SLC17A9: variants seen among roughly 807,000 people sequenced by gnomAD.
The protein encoded by SLC17A9 is voltage-gated purine nucleotide uniporter SLC17A9.
A neutral mutation model predicts 55.0 loss-of-function variants in SLC17A9; 49 were observed. That is an observed-to-expected ratio of 0.89 (90% confidence interval 0.71 to 1.13). The LOEUF is 1.13. SLC17A9 is among the 50% of genes most tolerant of loss of function. The probability of loss-of-function intolerance (pLI) is 0.00; values close to 1 mark genes in which losing one functional copy is unlikely to be tolerated. For missense variants in SLC17A9, 526 were observed against 569.3 expected, an observed-to-expected ratio of 0.92 and a Z score of 0.77; for synonymous variants, 256 against 247.4, an observed-to-expected ratio of 1.03 and a Z score of -0.32.
At chr20:62,965,467 C>T (rs1383310149) in intron 9 of SLC17A9, 143 bp from the exon 10 acceptor site, 1 of 790,320 alleles carries the variant, frequency 1.3e-6, no homozygotes, top group South Asian at 1.6e-5. Context: ...CTCTAGGGGG[C>T]CTGGTCTGAG....
At chr20:62,965,489 G>A in intron 9 of SLC17A9, 121 bp from the exon 10 acceptor site, 1 of 936,568 alleles carries the variant, frequency 1.1e-6, no homozygotes, top group South Asian at 1.5e-5. Context: ...GAAGTTTGTG[G>A]TCGCAGCCAA....
At chr20:62,964,924 G>C (rs1230823744) in intron 8 of SLC17A9, 5 of 582,610 alleles carry the variant, frequency 8.6e-6, no homozygotes, top group Non-Finnish European at 1.5e-5. Flanking sequence ...CACGCCTTGG[G>C]AACCTTCCAA....
rs765504943 is a variant in SLC17A9, at chr20:62,967,326, C to T, written c.1148-11C>T. ...GGGAGCACTCAGCCCGCCTGGCCCT[C>T]TCTTGGGCAGGTGTCGTGGGTGTGT... On this transcript the variant is annotated splice_polypyrimidine_tract_variant and intron_variant, in intron 12 of 12. Coordinates refer to ENST00000370351, the MANE Select transcript of SLC17A9 (RefSeq NM_022082.4). The T allele has an allele frequency of 6.2e-7, 1 of 1,613,656 alleles. No individual in the cohort carries two copies.
intron 3 of SLC17A9, among the ~76,000 whole-genome samples, chr20:62,959,445 G>A (rs751719996): frequency 9.8e-4 from 149 of 152,368 alleles, no homozygotes; most frequent in Admixed American, 2.2e-3. Flanking sequence ...CTACTCTGGG[G>A]GTCTGGGGGG....
At position 62,959,720 on chromosome 20, in the gene SLC17A9, C is replaced by G. The variant is rs370117377; in HGVS notation, c.398-784C>G. Among the ~76,000 whole-genome samples, 89 of 152,378 alleles carry G rather than the reference C, an allele frequency of 5.8e-4. 1 individual carries two copies. Among genetic ancestry groups the G allele is most frequent in the Middle Eastern group, 3.4e-3 (1 of 294 alleles). On this transcript the variant is annotated intron_variant, in intron 3 of 12. Transcript: ENST00000370351. ...TGCGGTTAAAAGTTACAGGCGCTGG[C>G]CAGGCAGGCGCTTCCTGTGTGTGGC...
chr20:62,954,707 G>A (rs1406216487), intron 1 of SLC17A9, among the ~76,000 whole-genome samples: 1 of 152,208 alleles, frequency 6.6e-6, no homozygotes, highest in Non-Finnish European at 1.5e-5. Context: ...GTGCCCCTGT[G>A]CCCACCTGGC....
At chr20:62,967,015 G>C in intron 12 of SLC17A9, 1 of 577,636 alleles carries the variant, frequency 1.7e-6, no homozygotes, top group South Asian at 2.3e-5. Flanking sequence ...GCCCCGCTGA[G>C]TGCCATGGAT....
intron 12 of SLC17A9, 172 bp from the exon 13 acceptor site, chr20:62,967,165 G>C (rs945527539): frequency 1.0e-5 from 8 of 764,270 alleles, no homozygotes; most frequent in Non-Finnish European, 1.7e-5. Context: ...GACCCTCCAA[G>C]TCTGAGCCTG....
chr20:62,957,408 C>A, intron 2 of SLC17A9, 33 bp from the exon 3 acceptor site: 2 of 1,552,686 alleles, frequency 1.3e-6, no homozygotes, highest in Non-Finnish European at 1.7e-6. Flanking sequence ...TCCTGCACAG[C>A]CACATCCTCA....
chr20:62,966,931 C>T (rs1433697997), intron 12 of SLC17A9, 199 bp downstream of exon 12: 5 of 635,928 alleles, frequency 7.9e-6, no homozygotes, highest in African/African-American at 3.7e-5. Flanking sequence ...GCAGGTGGCT[C>T]ATGAGTCGCC....
rs1272064524 is a variant in SLC17A9, at chr20:62,952,908, G to A, written c.59+19G>A. Reference sequence around the variant, plus strand: ...GGTCCAGGTGTGGCGGGGGTGAGGGGAGGGGGGGTGGGAGCGGTGGAGATG... The same window carrying A: ...GGTCCAGGTGTGGCGGGGGTGAGGGAAGGGGGGGTGGGAGCGGTGGAGATG... On this transcript the variant is annotated intron_variant, in intron 1 of 12. Coordinates refer to ENST00000370351, the MANE Select transcript of SLC17A9 (RefSeq NM_022082.4). The A allele has an allele frequency of 1.6e-5, 22 of 1,406,596 alleles. No homozygotes were observed. Among genetic ancestry groups the A allele is most frequent in the Non-Finnish European group, 1.9e-5 (20 of 1,050,132 alleles). The allele number at this position is 1,406,596 out of a possible 1,614,324, so 87.1% of individuals were successfully genotyped here.
chr20:62,963,079 G>A (rs568312089), intron 5 of SLC17A9, 194 bp from the exon 6 acceptor site: 54 of 667,802 alleles, frequency 8.1e-5, no homozygotes, highest in South Asian at 6.8e-4. Flanking sequence ...CGTTCAGAAC[G>A]CGGTTCTCAA....
intron 7 of SLC17A9, 120 bp from the exon 8 acceptor site, chr20:62,964,108 C>T (rs576127606): frequency 2.0e-6 from 2 of 980,894 alleles, no homozygotes; most frequent in East Asian, 2.4e-5. Context: ...CAGGGCTGGC[C>T]CTGCCGGAGA....
chr20:62,962,604 C>T lies in SLC17A9; in HGVS notation c.498-20C>T, dbSNP rs1267889027. ...GGGGTGCCGCTGAGGGGCCTGGCCA[C>T]ACTCCCCCTGTCTTTGCAGGACGCT... On this transcript the variant is annotated intron_variant, in intron 4 of 12. Transcript: ENST00000370351. The surrounding 1 kb of genome is among the most constrained non-coding windows in gnomAD (Gnocchi z 5.5). 1.9e-6 allele frequency: 3 copies of T among 1,612,568 alleles called. No homozygotes were observed. Among genetic ancestry groups the T allele is most frequent in the Non-Finnish European group, 2.5e-6 (3 of 1,179,182 alleles).
intron 9 of SLC17A9, 90 bp from the exon 10 acceptor site, chr20:62,965,520 C>A: frequency 8.0e-7 from 1 of 1,253,944 alleles, no homozygotes; most frequent in Non-Finnish European, 1.1e-6. Context: ...GTGCGGTGCG[C>A]CCAGGGGGGC....
At chr20:62,954,006 C>T (rs971475233) in intron 1 of SLC17A9, among the ~76,000 whole-genome samples, 2 of 152,254 alleles carry the variant, frequency 1.3e-5, no homozygotes, top group African/African-American at 2.4e-5. Flanking sequence ...TCCTCACTGG[C>T]GGCTGGTTTG....
chr20:62,956,995 T>C, intron 2 of SLC17A9, 33 bp downstream of exon 2: 1 of 1,611,846 alleles, frequency 6.2e-7, no homozygotes, highest in African/African-American at 1.3e-5. Flanking sequence ...TCCTGGCTGG[T>C]GGGGGCCGCC....
rs954180106 is a variant in SLC17A9, at chr20:62,962,321, T to A, written c.498-303T>A. On this transcript the variant is annotated intron_variant, in intron 4 of 12. Coordinates refer to ENST00000370351, the MANE Select transcript of SLC17A9 (RefSeq NM_022082.4). This position sits in a 1 kb window ranked among gnomAD's most constrained non-coding sequence, Gnocchi z 5.5. ...ATCCACATGACAAATTGTAGGCCAA[T>A]TGGAAGGCCTAGAAGCAAGATGTGA... 1.2e-5 allele frequency: 3 copies of A among 242,448 alleles called. No homozygotes were observed. The highest frequency in any genetic ancestry group is 1.1e-4 in the Admixed American group (2 of 18,986). 15.0% of individuals were successfully genotyped at this position (242,448 alleles called of 1,614,324 possible). A position where few individuals can be genotyped will look rare whatever the true frequency, so the allele number is the denominator to read the frequency against.
intron 3 of SLC17A9, 49 bp from the exon 4 acceptor site, chr20:62,960,455 G>T: frequency 6.4e-7 from 1 of 1,560,008 alleles, no homozygotes; most frequent in South Asian, 1.2e-5. Context: ...TAGGCCGGGA[G>T]GAGCCTCCCT....
Sources: allele counts gnomAD v4.1 joint callset (sites outside exome capture counted in the v4.1 genomes callset), GRCh38; gene constraint gnomAD v4.1.1; non-coding constraint Gnocchi (gnomAD v3.1); transcripts MANE v1.5; gene names NCBI Gene and HGNC (gene_info 2026-07-23, HGNC 2026-07-21).